RBFOX1: variants seen among roughly 807,000 people sequenced by gnomAD.
RBFOX1 encodes RNA binding fox-1 homolog 1.
Under a neutral mutation model 57.7 loss-of-function variants are expected in RBFOX1, and 8 were observed. The ratio of observed to expected loss-of-function variants is 0.14; its 90% CI spans 0.08 to 0.25. The LOEUF is 0.25. Among genes scored for constraint, RBFOX1 ranks in the 10% least tolerant of loss-of-function variants. The pLI, the probability that RBFOX1 is intolerant of heterozygous loss-of-function variation, is 1.00. For synonymous variants in RBFOX1, 326 were observed against 222.4 expected (o/e 1.47, Z -4.15); for missense variants, 611 against 548.5 (o/e 1.11, Z -1.14).
intron 3 of RBFOX1, among the ~76,000 whole-genome samples, chr16:6,978,484 G>A (rs984869893): frequency 6.6e-6 from 1 of 152,134 alleles, no homozygotes; most frequent in Non-Finnish European, 1.5e-5. Flanking sequence ...TTACAGGTAG[G>A]TTGTATTATT....
At chr16:5,617,022 G>C (rs558409352) in intron 3 of RBFOX1, among the ~76,000 whole-genome samples, 9 of 151,918 alleles carry the variant, frequency 5.9e-5, no homozygotes, top group Non-Finnish European at 1.2e-4. Flanking sequence ...TTAGAGACTA[G>C]ATCATGAGTC....
Position 6,452,016 on chromosome 16 carries a change from A to G in RBFOX1, c.-64+134959A>G, listed in dbSNP as rs1402770042. ...GTTCCATCCATGGCTCCTTCCTTCC[A>G]TGACTCCATCCATGGCTCCTTCCTT... On this transcript the variant is annotated intron_variant, in intron 2 of 15. Transcript: ENST00000550418. Among the ~76,000 whole-genome samples the G allele has an allele frequency of 6.3e-5, 9 of 143,206 alleles. No homozygotes were observed. The East Asian group carries it at 1.7e-3, about 28-fold the overall frequency. The allele number at this position is 143,206 out of a possible 152,430, so 93.9% of individuals were successfully genotyped here. A position where few individuals can be genotyped will look rare whatever the true frequency, so the allele number is the denominator to read the frequency against.
intron 4 of RBFOX1, among the ~76,000 whole-genome samples, chr16:5,960,157 T>G (rs2059720226): frequency 6.6e-6 from 1 of 151,896 alleles, no homozygotes; most frequent in African/African-American, 2.4e-5. Context: ...GCCAAGATCG[T>G]GCCATTGCAC....
intron 3 of RBFOX1, among the ~76,000 whole-genome samples, chr16:7,048,702 T>C (rs1467911220): frequency 6.6e-6 from 1 of 152,208 alleles, no homozygotes; most frequent in African/African-American, 2.4e-5. Context: ...CCAACATCTT[T>C]GCTATGTTGA....
intron 1 of RBFOX1, among the ~76,000 whole-genome samples, chr16:5,434,317 CTTTTTTTT>C: frequency 1.3e-5 from 1 of 79,732 alleles, no homozygotes; most frequent in African/African-American, 5.1e-5. Context: ...TGCTGAAGTC[CTTTTTTTT>C]TTTTTTTTTT....
intron 3 of RBFOX1, among the ~76,000 whole-genome samples, chr16:6,827,443 C>T (rs866959971): frequency 1.0e-4 from 14 of 134,626 alleles, no homozygotes; most frequent in African/African-American, 3.3e-4. Flanking sequence ...TCAATTGATG[C>T]AGTCTCAGTA....
chr16:5,527,958 T>C (rs559356531), intron 2 of RBFOX1, among the ~76,000 whole-genome samples: 1 of 152,162 alleles, frequency 6.6e-6, no homozygotes, highest in Non-Finnish European at 1.5e-5. Context: ...TGTATTAGTG[T>C]GAATTGCCTG....
chr16:6,446,048 T>C (rs1418813351), intron 2 of RBFOX1, among the ~76,000 whole-genome samples: 1 of 152,136 alleles, frequency 6.6e-6, no homozygotes, highest in Non-Finnish European at 1.5e-5. Context: ...CACTTCAGCC[T>C]TCAACTTCTG....
chr16:5,662,662 T>C (rs1596643013), intron 3 of RBFOX1, among the ~76,000 whole-genome samples: 1 of 152,182 alleles, frequency 6.6e-6, no homozygotes, highest in Admixed American at 6.5e-5. Flanking sequence ...TTAAAACACA[T>C]GAAATATGGA....
chr16:5,696,658 A>G lies in RBFOX1; in HGVS notation c.318+97697A>G, dbSNP rs995762878. Among the ~76,000 whole-genome samples, 4 of 152,296 alleles carry G rather than the reference A, an allele frequency of 2.6e-5. No individual in the cohort carries two copies. In the South Asian group the frequency reaches 6.2e-4, roughly 24 times the overall value. The stretch of plus-strand genomic sequence containing the variant: ...GATCAGTGTATTAAAATTTGATGAA[A>G]ATAATTATTATAATTTTGATATGAA... On this transcript the variant is annotated intron_variant, in intron 3 of 19. Transcript: ENST00000641259.
chr16:5,355,093 G>A (rs895086010), intron 1 of RBFOX1, among the ~76,000 whole-genome samples: 1 of 152,142 alleles, frequency 6.6e-6, no homozygotes, highest in African/African-American at 2.4e-5. Context: ...ATAAAAGAGA[G>A]AGAGGGAGGG....
At chr16:6,715,124 C>G (rs974387612) in intron 3 of RBFOX1, among the ~76,000 whole-genome samples, 2 of 152,152 alleles carry the variant, frequency 1.3e-5, no homozygotes, top group South Asian at 2.1e-4. Flanking sequence ...AGATTTGCCA[C>G]TTGGGACTAA....
chr16:6,806,988 C>T (rs1379303990), intron 3 of RBFOX1, among the ~76,000 whole-genome samples: 1 of 151,396 alleles, frequency 6.6e-6, no homozygotes, highest in East Asian at 1.9e-4. Flanking sequence ...CACGTCTCAC[C>T]ACGTCCAGCT....
intron 1 of RBFOX1, among the ~76,000 whole-genome samples, chr16:5,403,349 C>CAAAAA (rs767830099): frequency 1.7e-4 from 14 of 82,246 alleles, no homozygotes; most frequent in South Asian, 4.5e-4. Flanking sequence ...AACGCTGTCT[C>CAAAAA]AAAAAAAAAA....
intron 2 of RBFOX1, among the ~76,000 whole-genome samples, chr16:6,551,025 A>G (rs2096980164): frequency 6.6e-6 from 1 of 152,120 alleles, no homozygotes; most frequent in East Asian, 1.9e-4. Flanking sequence ...ACTGCAGAGG[A>G]GGAGATGGAT....
intron 3 of RBFOX1, among the ~76,000 whole-genome samples, chr16:6,950,939 T>C (rs545108776): frequency 6.6e-6 from 1 of 152,162 alleles, no homozygotes; most frequent in African/African-American, 2.4e-5. Flanking sequence ...AGGATCTTGC[T>C]CTGTTTCTCA....
intron 4 of RBFOX1, among the ~76,000 whole-genome samples, chr16:7,302,927 G>A (rs1362808344): frequency 1.3e-5 from 2 of 152,006 alleles, no homozygotes; most frequent in Non-Finnish European, 2.9e-5. Flanking sequence ...ATTTGGCCAA[G>A]GAGGGCTGGA....
chr16:7,191,054 C>A (rs886833799), intron 4 of RBFOX1, among the ~76,000 whole-genome samples: 2 of 151,994 alleles, frequency 1.3e-5, no homozygotes, highest in African/African-American at 4.8e-5. Flanking sequence ...ATTCGGGGAC[C>A]CCTTGGATGT....
At chr16:6,173,637 T>TAAAA in intron 1 of RBFOX1, among the ~76,000 whole-genome samples, 1 of 113,610 alleles carries the variant, frequency 8.8e-6, no homozygotes, top group South Asian at 3.1e-4. Flanking sequence ...TGAGATAGAG[T>TAAAA]CTCATTCTGT....
Sources: allele counts gnomAD v4.1 joint callset (sites outside exome capture counted in the v4.1 genomes callset), GRCh38; gene constraint gnomAD v4.1.1; transcripts MANE v1.5; gene names NCBI Gene and HGNC (gene_info 2026-07-23, HGNC 2026-07-21).